Variants in PARP14 observed in about 807,000 individuals in gnomAD.
The protein encoded by PARP14 is protein mono-ADP-ribosyltransferase PARP14.
A neutral mutation model predicts 154.2 loss-of-function variants in PARP14; 59 were observed. The observed-to-expected ratio is 0.38, with a 90% CI of 0.31 to 0.48. The LOEUF is 0.48. Ranked by LOEUF, PARP14 falls within the 20% of genes least tolerant of loss-of-function variation. The pLI is 0.98. For synonymous variants in PARP14, 720 were observed against 780.5 expected, an observed-to-expected ratio of 0.92 and a Z score of 1.29; for missense variants, 1,734 against 2,131.6, an observed-to-expected ratio of 0.81 and a Z score of 3.67.
In PARP14 at chr3:122,704,549, A is replaced by T; in HGVS notation, c.3341A>T (p.Glu1114Val). The change falls in exon 8 of 17, where the codon GAA becomes GTA. Residue 1114 changes from glutamate to valine, a missense_variant. By Grantham distance (121) the Glu-to-Val change is moderately radical. Around this residue, in one of 2 missense-constraint regions of PARP14, gnomAD observed 1,646 missense variants for 1,976.0 expected, o/e 0.83. Transcript: ENST00000474629. The stretch of plus-strand genomic sequence containing the variant: ...CAGATAATGGAAGACATAATCAGAG[A>T]ATGTATGGAGATCACTGAGAGCTTG... ...SLKIMEDIIR[E>V]CMEITESLSL... 3 of 1,602,608 alleles carry T rather than the reference A, an allele frequency of 1.9e-6. No individual in the cohort carries two copies. The highest frequency in any genetic ancestry group is 2.6e-6 in the Non-Finnish European group (3 of 1,172,480).
At chr3:122,717,349 AC>A (rs1933025411) in intron 12 of PARP14, among the ~76,000 whole-genome samples, 1 of 152,182 alleles carries the variant, frequency 6.6e-6, no homozygotes. Context: ...TCATGATCTT[AC>A]CTAGGCTGTT....
rs1938334780 is a variant in PARP14, at chr3:122,685,265, C to A, written c.268C>A (p.Pro90Thr). 1 of 1,613,308 alleles carries A rather than the reference C, an allele frequency of 6.2e-7. No homozygotes were observed. The highest frequency in any genetic ancestry group is 1.7e-5 in the Admixed American group (1 of 60,010). The change falls in exon 2 of 17, where the codon CCT becomes ACT. Residue 90 changes from proline to threonine, a missense_variant. This residue lies in a region of PARP14 where 1,646 missense variants were observed against 1,976.0 expected (regional missense o/e 0.83). Coordinates refer to ENST00000474629, the MANE Select transcript of PARP14 (RefSeq NM_017554.3). ...AACATTCAAGTTAACTGTCCAGTTA[C>A]CTGCAACCCCAGATGAAATCGATCA... ...KGTFKLTVQL[P>T]ATPDEIDHVF...
intron 1 of PARP14, among the ~76,000 whole-genome samples, chr3:122,683,978 G>A (rs1292384078): frequency 6.6e-6 from 1 of 152,188 alleles, no homozygotes; most frequent in Admixed American, 6.5e-5. Flanking sequence ...AGGAGTTTGT[G>A]TGGAAACATC....
In PARP14 at chr3:122,718,719, A is replaced by G. The variant is rs200848265; in HGVS notation, c.4568A>G (p.Glu1523Gly). 6.2e-7 allele frequency: 1 copy of G among 1,613,550 alleles called. No homozygotes were observed. Among genetic ancestry groups the G allele is most frequent in the Non-Finnish European group, 8.5e-7 (1 of 1,179,632 alleles). ...ATCAAGAGAGTTCGATTGGCCAAAG[A>G]ACAGGAATCCCGGGCAGATTGTATC... ...AMIKRVRLAK[E>G]QESRADCISE... Residue 1523 changes from glutamate (E) to glycine (G), a missense_variant, in exon 14 of 17, where the codon GAA becomes GGA. By Grantham distance (98) the Glu-to-Gly change is moderately conservative (BLOSUM62 -2). Coordinates refer to ENST00000474629, the MANE Select transcript of PARP14 (RefSeq NM_017554.3).
chr3:122,724,214 G>A (rs1207023391), intron 15 of PARP14, among the ~76,000 whole-genome samples: 1 of 152,138 alleles, frequency 6.6e-6, no homozygotes, highest in Non-Finnish European at 1.5e-5. Context: ...GTCGTGTGTT[G>A]CGTGTGTTCA....
In PARP14 at chr3:122,704,528, T is replaced by C; in HGVS notation, c.3320T>C (p.Ile1107Thr). 1.9e-6 allele frequency: 3 copies of C among 1,581,544 alleles called. No homozygotes were observed. The highest frequency in any genetic ancestry group is 2.6e-6 in the Non-Finnish European group (3 of 1,155,408). Residue 1107 changes from isoleucine (I) to threonine (T), a missense_variant and splice_region_variant, in exon 8 of 17, where the codon ATA becomes ACA. Physicochemically the swap from Ile to Thr is moderately conservative, Grantham distance 89. This residue lies in a region of PARP14 where 1,646 missense variants were observed against 1,976.0 expected (regional missense o/e 0.83). Coordinates refer to ENST00000474629, the MANE Select transcript of PARP14 (RefSeq NM_017554.3). ...AAGGATGTGCTTTGTGCGTTTCAGA[T>C]AATGGAAGACATAATCAGAGAATGT... ...WRNGSTSSLK[I>T]MEDIIRECME...
intron 12 of PARP14, among the ~76,000 whole-genome samples, chr3:122,716,509 T>C (rs1234329955): frequency 6.6e-6 from 1 of 152,156 alleles, no homozygotes; most frequent in Non-Finnish European, 1.5e-5. Context: ...GAGACAGGCA[T>C]GCAAACAAAC....
chr3:122,724,572 TG>T (rs1326634347), intron 15 of PARP14, among the ~76,000 whole-genome samples: 1 of 150,806 alleles, frequency 6.6e-6, no homozygotes, highest in East Asian at 1.9e-4. Flanking sequence ...CTCAGAGTGC[TG>T]GGATTACAAG....
chr3:122,713,593 G>A lies in PARP14; in HGVS notation c.3769+20G>A. ...AAGCAGGTACTTGTACAATTTTGAT[G>A]AGTGCAATAGTTAATGGTAGATGCT... On this transcript the variant is annotated intron_variant, in intron 10 of 16. Coordinates refer to ENST00000474629, the MANE Select transcript of PARP14 (RefSeq NM_017554.3). The A allele has an allele frequency of 6.2e-7, 1 of 1,601,670 alleles. No homozygotes were observed.
intron 1 of PARP14, 81 bp from the exon 2 acceptor site, chr3:122,685,104 C>A: frequency 6.7e-7 from 1 of 1,499,148 alleles, no homozygotes; most frequent in Admixed American, 1.7e-5. Context: ...GATGGTAATG[C>A]AGCCCACGGA....
At position 122,709,961 on chromosome 3, in the gene PARP14, T is replaced by C. The variant is rs189362193; in HGVS notation, c.3619+1693T>C. ...TGAGTTCCTTGTAGATTCTAGATACTGGTCCTTTGTCGGATGCATAGTCTT... is the reference window on the plus strand; with the variant it reads ...TGAGTTCCTTGTAGATTCTAGATACCGGTCCTTTGTCGGATGCATAGTCTT... On this transcript the variant is annotated intron_variant, in intron 9 of 16. Transcript: ENST00000474629. Among the ~76,000 whole-genome samples, 137 of 152,196 alleles carry C rather than the reference T, an allele frequency of 9.0e-4. 2 individuals carry two copies. Among genetic ancestry groups the C allele is most frequent in the African/African-American group, 3.1e-3 (129 of 41,544 alleles).
intron 16 of PARP14, 129 bp from the exon 17 acceptor site, chr3:122,728,179 T>C (rs1933337823): frequency 2.0e-6 from 2 of 978,014 alleles, no homozygotes; most frequent in Non-Finnish European, 1.5e-6. Flanking sequence ...AAATTGATGA[T>C]TAAAAGTGAA....
intron 15 of PARP14, among the ~76,000 whole-genome samples, chr3:122,726,793 G>C (rs993143994): frequency 1.4e-4 from 22 of 151,822 alleles, no homozygotes; most frequent in African/African-American, 4.8e-4. Flanking sequence ...AATGTTGAAG[G>C]CTTTAAAAAT....
intron 11 of PARP14, 111 bp from the exon 12 acceptor site, chr3:122,714,151 G>GT (rs34257572): frequency 0.27 from 184,229 of 673,490 alleles, 1,225 homozygotes; most frequent in East Asian, 0.34. Flanking sequence ...TATTTCAGGA[G>GT]TTTTTTTTTT....
chr3:122,693,482 T>C (rs1313986147), intron 4 of PARP14, among the ~76,000 whole-genome samples: 2 of 152,158 alleles, frequency 1.3e-5, no homozygotes, highest in African/African-American at 2.4e-5. Flanking sequence ...ATCTATAAAA[T>C]GGTACAATAA....
chr3:122,692,658 G>C (rs972183548), intron 4 of PARP14, 115 bp downstream of exon 4: 2 of 810,458 alleles, frequency 2.5e-6, no homozygotes, highest in African/African-American at 3.4e-5. Flanking sequence ...GCTACTAAGA[G>C]AGGTTTCCAA....
intron 12 of PARP14, 132 bp downstream of exon 12, chr3:122,714,561 T>G: frequency 1.8e-6 from 1 of 562,966 alleles, no homozygotes; most frequent in Non-Finnish European, 3.0e-6. Context: ...GTGGACAGCT[T>G]CCTCCCCATA....
intron 12 of PARP14, among the ~76,000 whole-genome samples, chr3:122,714,783 A>C (rs1210568783): frequency 6.6e-6 from 1 of 152,190 alleles, no homozygotes; most frequent in East Asian, 1.9e-4. Flanking sequence ...CATATTCTCC[A>C]TTATGCAGTC....
intron 9 of PARP14, among the ~76,000 whole-genome samples, chr3:122,708,575 A>C (rs1186532605): frequency 1.3e-5 from 2 of 152,232 alleles, no homozygotes; most frequent in African/African-American, 2.4e-5. Context: ...GACAATACTC[A>C]CCAAATCTTT....
Sources: allele counts gnomAD v4.1 joint callset (sites outside exome capture counted in the v4.1 genomes callset), GRCh38; gene constraint gnomAD v4.1.1; regional missense constraint gnomAD v4.1.1; transcripts MANE v1.5; gene names NCBI Gene and HGNC (gene_info 2026-07-23, HGNC 2026-07-21).